The following PRRG1 variants were observed in gnomAD, a reference collection of about 807,000 sequenced individuals.
PRRG1 encodes proline rich and Gla domain 1.
In PRRG1, 5 loss-of-function variants were observed where a neutral mutation model predicts 11.8. The ratio of observed to expected loss-of-function variants is 0.42; its 90% CI spans 0.22 to 0.89. PRRG1 has a LOEUF of 0.89. Ranked by LOEUF, PRRG1 falls within the 40% of genes least tolerant of loss-of-function variation. PRRG1 has a pLI of 0.28. For synonymous variants in PRRG1, 66 were observed against 60.4 expected, an observed-to-expected ratio of 1.09 and a Z score of -0.43; for missense variants, 155 against 166.1, an observed-to-expected ratio of 0.93 and a Z score of 0.37.
At chrX:37,364,858 A>G (rs1019330254) in intron 1 of PRRG1, among the ~76,000 whole-genome samples, 2 of 111,908 alleles carry the variant, frequency 1.8e-5, no homozygotes, top group African/African-American at 6.5e-5. Flanking sequence ...GGCAGGACCA[A>G]TTTGTCTAAA....
intron 3 of PRRG1, among the ~76,000 whole-genome samples, chrX:37,426,560 A>G (rs978491581): frequency 8.9e-6 from 1 of 111,773 alleles, no homozygotes; most frequent in Non-Finnish European, 1.9e-5. Context: ...TAGCCATTGT[A>G]TAAAGATTCA....
chrX:37,400,134 A>G (rs1299506934), intron 1 of PRRG1, among the ~76,000 whole-genome samples: 3 of 111,750 alleles, frequency 2.7e-5, no homozygotes, highest in Middle Eastern at 4.2e-3. Flanking sequence ...AAGTGGGCCT[A>G]ATAGACATCT....
intron 1 of PRRG1, among the ~76,000 whole-genome samples, chrX:37,357,901 C>T (rs782703494): frequency 5.6e-4 from 63 of 112,302 alleles, no homozygotes; most frequent in Non-Finnish European, 1.1e-3. Flanking sequence ...CACATCCTTG[C>T]CAGCATTTGG....
intron 1 of PRRG1, among the ~76,000 whole-genome samples, chrX:37,387,387 T>G (rs1469456449): frequency 4.5e-5 from 5 of 111,670 alleles, no homozygotes; most frequent in African/African-American, 9.8e-5. Flanking sequence ...ACTGGGTAAT[T>G]TATAAACAAA....
intron 1 of PRRG1, among the ~76,000 whole-genome samples, chrX:37,393,049 C>G (rs995356750): frequency 3.3e-4 from 37 of 110,807 alleles, no homozygotes; most frequent in Non-Finnish European, 5.9e-4. Context: ...TTACTGTATC[C>G]AACTCTGAGG....
At chrX:37,355,923 G>T (rs187493442) in intron 1 of PRRG1, among the ~76,000 whole-genome samples, 54 of 112,141 alleles carry the variant, frequency 4.8e-4, no homozygotes, top group Non-Finnish European at 7.9e-4. Flanking sequence ...GTGTTGTAAT[G>T]TTATTGCCCT....
intron 3 of PRRG1, among the ~76,000 whole-genome samples, chrX:37,429,994 C>T (rs192118093): frequency 6.3e-4 from 70 of 111,888 alleles, no homozygotes; most frequent in African/African-American, 2.1e-3. Flanking sequence ...ACAGGAAAGA[C>T]TGGCCCCCAT....
At chrX:37,373,745 A>G (rs982584616) in intron 1 of PRRG1, among the ~76,000 whole-genome samples, 11 of 110,852 alleles carry the variant, frequency 9.9e-5, no homozygotes, top group African/African-American at 3.6e-4. Context: ...TTAACTTTCT[A>G]TTTTCTGATT....
intron 1 of PRRG1, among the ~76,000 whole-genome samples, chrX:37,354,583 C>T (rs1245478438): frequency 2.8e-5 from 3 of 108,397 alleles, no homozygotes; most frequent in Non-Finnish European, 3.8e-5. Context: ...TTAGTAGAGA[C>T]GGGTTTTCAC....
chrX:37,437,976 G>A (rs1932906152), intron 3 of PRRG1, among the ~76,000 whole-genome samples: 1 of 110,107 alleles, frequency 9.1e-6, no homozygotes, highest in South Asian at 4.0e-4. Context: ...GGGAGGCTGA[G>A]GTGGGCAGAT....
chrX:37,410,441 G>A (rs1932321152), intron 2 of PRRG1, among the ~76,000 whole-genome samples: 1 of 111,736 alleles, frequency 8.9e-6, no homozygotes, highest in Admixed American at 9.5e-5. Context: ...CATCAGTAGT[G>A]TGTAAGTCAA....
chrX:37,408,647 C>G (rs980922002), intron 2 of PRRG1, among the ~76,000 whole-genome samples: 1 of 111,711 alleles, frequency 9.0e-6, no homozygotes, highest in Non-Finnish European at 1.9e-5. Flanking sequence ...TCCCGCTAGA[C>G]AAGAAACGTT....
chrX:37,448,879 C>A lies in PRRG1; in HGVS notation c.172-4257C>A, dbSNP rs1433275135. ...CTCCTGGGCTCAAGGGACCCTCACA[C>A]CTCAGCCTCTGAAGTAGCTGAGGGT... On this transcript the variant is annotated intron_variant, in intron 3 of 3. Coordinates refer to ENST00000378628, the MANE Select transcript of PRRG1 (RefSeq NM_001142395.2). 2.7e-5 allele frequency among the ~76,000 whole-genome samples: 3 copies of A among 111,951 alleles called. No individual in the cohort carries two copies. The Admixed American group carries it at 2.8e-4, about 11-fold the overall frequency.
chrX:37,430,402 A>G (rs1325350461), intron 3 of PRRG1, among the ~76,000 whole-genome samples: 1 of 112,086 alleles, frequency 8.9e-6, no homozygotes, highest in Non-Finnish European at 1.9e-5. Flanking sequence ...TCCAATTGCA[A>G]TCCAATCCCT....
At position 37,432,288 on chromosome X, in the gene PRRG1, C is replaced by G. The variant is rs782664496; in HGVS notation, c.171+6288C>G. 3.8e-3 allele frequency among the ~76,000 whole-genome samples: 375 copies of G among 99,899 alleles called. 2 individuals carry two copies. Among genetic ancestry groups the G allele is most frequent in the African/African-American group, 0.016 (337 of 21,528 alleles). 86.8% of individuals were successfully genotyped at this position (99,899 alleles called of 115,157 possible). A position where few individuals can be genotyped will look rare whatever the true frequency, so the allele number is the denominator to read the frequency against. On this transcript the variant is annotated intron_variant, in intron 3 of 3. Coordinates refer to ENST00000378628, the MANE Select transcript of PRRG1 (RefSeq NM_001142395.2). ...ATTTTTAGTAGAGACGGCTTTCACC[C>G]TGTTAGCCAGGATGGTCTCGATCTC...
intron 1 of PRRG1, among the ~76,000 whole-genome samples, chrX:37,355,368 C>T (rs1368880235): frequency 9.0e-6 from 1 of 111,504 alleles, no homozygotes; most frequent in Non-Finnish European, 1.9e-5. Flanking sequence ...GAAAAAATTC[C>T]CTGGTTAAGA....
chrX:37,359,609 T>C (rs1399585169), intron 1 of PRRG1, among the ~76,000 whole-genome samples: 1 of 111,677 alleles, frequency 9.0e-6, no homozygotes, highest in Non-Finnish European at 1.9e-5. Flanking sequence ...TTTTCTTTTC[T>C]AGTAATGTCT....
intron 3 of PRRG1, among the ~76,000 whole-genome samples, chrX:37,447,491 C>G (rs1556395523): frequency 8.9e-6 from 1 of 112,378 alleles, no homozygotes; most frequent in East Asian, 2.8e-4. Context: ...TCATTCTCTT[C>G]TTCAGGCACC....
chrX:37,445,675 A>G (rs191154622), intron 3 of PRRG1, among the ~76,000 whole-genome samples: 1 of 113,127 alleles, frequency 8.8e-6, no homozygotes, highest in African/African-American at 3.2e-5. Context: ...TTTATGTTCC[A>G]CACATATATA....
Sources: allele counts gnomAD v4.1 joint callset (sites outside exome capture counted in the v4.1 genomes callset), GRCh38; gene constraint gnomAD v4.1.1; transcripts MANE v1.5; gene names NCBI Gene and HGNC (gene_info 2026-07-23, HGNC 2026-07-21).